PLAAT3: variants seen among roughly 807,000 people sequenced by gnomAD.
PLAAT3 encodes the protein phospholipase A and acyltransferase 3.
In PLAAT3, 21 loss-of-function variants were observed where a neutral mutation model predicts 16.7. The observed-to-expected ratio is 1.26, with a 90% CI of 0.89 to 1.81. The LOEUF (loss-of-function observed/expected upper bound fraction) is 1.81, where lower values mean the gene tolerates loss of function less well. Ranked by LOEUF, PLAAT3 falls within the 40% of genes most tolerant of loss-of-function variation. PLAAT3 has a pLI of 0.00. For missense variants in PLAAT3, 219 were observed against 213.7 expected (o/e 1.02, Z -0.16); for synonymous variants, 76 against 81.7 (o/e 0.93, Z 0.38).
At chr11:63,586,280 C>T (rs1023583845) in intron 4 of PLAAT3, among the ~76,000 whole-genome samples, 1 of 152,102 alleles carries the variant, frequency 6.6e-6, no homozygotes, top group Non-Finnish European at 1.5e-5. Flanking sequence ...ACTGCAGGTG[C>T]CCGCCATCAC....
chr11:63,609,389 C>T (rs914933176), intron 2 of PLAAT3, among the ~76,000 whole-genome samples: 5 of 152,210 alleles, frequency 3.3e-5, no homozygotes, highest in African/African-American at 1.2e-4. Context: ...AGCCCACCTC[C>T]GGGGGCCTCA....
upstream of PLAAT3, among the ~76,000 whole-genome samples, chr11:63,615,683 T>TG (rs998999336): frequency 1.3e-4 from 19 of 151,728 alleles, no homozygotes; most frequent in Non-Finnish European, 2.5e-4. Flanking sequence ...TTTGTTTTTT[T>TG]TTTTTTGAGA....
rs113060986 is a variant in PLAAT3 at position 63,605,724 on chromosome 11, T to C, written c.16-7561A>G. 5.8e-3 allele frequency among the ~76,000 whole-genome samples: 885 copies of C among 151,992 alleles called. 2 individuals carry two copies. The highest frequency in any genetic ancestry group is 7.7e-3 in the Non-Finnish European group (525 of 67,956). The stretch of plus-strand genomic sequence containing the variant: ...CCCGCCACCATGCCGGGCTAATTTT[T>C]TGTATTTTTAGTAGAGACAGCGTTT... On this transcript the variant is annotated intron_variant, in intron 2 of 4. Transcript: ENST00000415826.
upstream of PLAAT3, among the ~76,000 whole-genome samples, chr11:63,615,182 GTATA>G (rs1160708888): frequency 0.026 from 697 of 26,828 alleles, 45 homozygotes; most frequent in African/African-American, 0.071. Context: ...GTATATGTGT[GTATA>G]TATATGTGTG....
intron 4 of PLAAT3, among the ~76,000 whole-genome samples, chr11:63,589,409 CAAAGAAAAAAAA>C (rs1938077504): frequency 3.3e-5 from 1 of 30,750 alleles, no homozygotes; most frequent in South Asian, 1.2e-3. Context: ...TTCACCTATG[CAAAGAAAAAAAA>C]AAAAAAAAAG....
chr11:63,614,275 G>A (rs1263985150), intron 1 of PLAAT3, 110 bp downstream of exon 1: 6 of 568,876 alleles, frequency 1.1e-5, no homozygotes, highest in Non-Finnish European at 1.6e-5. Context: ...CGGCAGGCTA[G>A]TCTACACCCG....
In PLAAT3 at chr11:63,590,172, G is replaced by A. The variant is rs756038919; in HGVS notation, c.315C>T (p.Leu105=). Residue 105 remains leucine, a synonymous_variant, in exon 4 of 5, where the codon CTC becomes CTT. Transcript: ENST00000415826. ...RAEELVGQEV[L]YKLTSENCEH... ...CGCAGTTCTCACTGGTCAGCTTGTA[G>A]AGCACCTCCTGCCCCACCAGCTCCT... 16 of 1,614,110 alleles carry A rather than the reference G, an allele frequency of 9.9e-6. No homozygotes were observed. The South Asian group carries it at 1.5e-4, about 16-fold the overall frequency.
chr11:63,586,042 C>T (rs1358052499), intron 4 of PLAAT3, among the ~76,000 whole-genome samples: 2 of 152,114 alleles, frequency 1.3e-5, no homozygotes, highest in African/African-American at 4.8e-5. Context: ...CAAAGTGAGA[C>T]CCTGTCTCTA....
At chr11:63,611,311 C>T (rs1938688464) in intron 2 of PLAAT3, among the ~76,000 whole-genome samples, 1 of 152,104 alleles carries the variant, frequency 6.6e-6, no homozygotes, top group Non-Finnish European at 1.5e-5. Context: ...TATCAAAAGT[C>T]GGTCTGCCTT....
chr11:63,613,235 C>A (rs1938737286), intron 2 of PLAAT3, among the ~76,000 whole-genome samples: 1 of 151,974 alleles, frequency 6.6e-6, no homozygotes, highest in Non-Finnish European at 1.5e-5. Flanking sequence ...CACGGTGAAA[C>A]CCCGTCTCCA....
chr11:63,606,484 T>A (rs1215310678), intron 2 of PLAAT3, among the ~76,000 whole-genome samples: 1 of 143,572 alleles, frequency 7.0e-6, no homozygotes, highest in African/African-American at 2.6e-5. Flanking sequence ...AAGTAAATAA[T>A]CTAGAATATG....
At chr11:63,589,806 A>AG (rs978582519) in intron 4 of PLAAT3, among the ~76,000 whole-genome samples, 1 of 152,114 alleles carries the variant, frequency 6.6e-6, no homozygotes, top group Non-Finnish European at 1.5e-5. Flanking sequence ...AGGGCTGGGG[A>AG]GGGCCATCTC....
chr11:63,593,941 G>A (rs1938217359), intron 3 of PLAAT3, among the ~76,000 whole-genome samples: 1 of 152,170 alleles, frequency 6.6e-6, no homozygotes, highest in South Asian at 2.1e-4. Context: ...GGCCGTGAGT[G>A]GCAAGAGGCA....
intron 3 of PLAAT3, 144 bp from the exon 4 acceptor site, chr11:63,590,512 G>A (rs2134408195): frequency 1.5e-6 from 1 of 658,462 alleles, no homozygotes; most frequent in East Asian, 2.7e-5. Flanking sequence ...ATGGCTGTGG[G>A]CCTTGGGGAA....
intron 2 of PLAAT3, among the ~76,000 whole-genome samples, chr11:63,603,232 C>T (rs1477349145): frequency 1.3e-5 from 2 of 152,130 alleles, no homozygotes; most frequent in Non-Finnish European, 2.9e-5. Flanking sequence ...GTTCCAGGAT[C>T]AAGGTCAGGG....
chr11:63,588,789 T>C (rs1938052172), intron 4 of PLAAT3, among the ~76,000 whole-genome samples: 1 of 152,078 alleles, frequency 6.6e-6, no homozygotes, highest in Non-Finnish European at 1.5e-5. Context: ...CAAAGGTAAC[T>C]AATATCCCAC....
chr11:63,613,519 G>A (rs988629149), intron 2 of PLAAT3, among the ~76,000 whole-genome samples: 5 of 152,258 alleles, frequency 3.3e-5, no homozygotes, highest in Non-Finnish European at 5.9e-5. Flanking sequence ...TCAACACTAG[G>A]AGGGTCCACC....
intron 4 of PLAAT3, among the ~76,000 whole-genome samples, chr11:63,586,836 C>G (rs1247605991): frequency 1.3e-5 from 2 of 152,180 alleles, no homozygotes; most frequent in African/African-American, 4.8e-5. Flanking sequence ...GTAATCTTAG[C>G]ACTTTGGGAG....
At chr11:63,613,653 T>C (rs1938750004) in intron 2 of PLAAT3, among the ~76,000 whole-genome samples, 1 of 138,388 alleles carries the variant, frequency 7.2e-6, no homozygotes, top group Non-Finnish European at 1.6e-5. Flanking sequence ...TCAGCTGACA[T>C]AGCCCCCAAG....
Sources: gnomAD v4.1 joint callset for allele counts (sites outside exome capture counted in the v4.1 genomes callset) on GRCh38, gnomAD v4.1.1 for gene constraint, MANE v1.5 for transcripts, NCBI Gene and HGNC (gene_info 2026-07-23, HGNC 2026-07-21) for gene names.